CLIP2: variants seen among roughly 807,000 people sequenced by gnomAD.
CLIP2 encodes CAP-Gly domain-containing linker protein 2.
In CLIP2, 41 loss-of-function variants were observed where a neutral mutation model predicts 111.7. The observed-to-expected ratio is 0.37, with a 90% confidence interval of 0.29 to 0.48. The LOEUF is 0.48. Ranked by LOEUF, CLIP2 falls within the 20% of genes least tolerant of loss-of-function variation. The probability of loss-of-function intolerance (pLI) is 0.99; values close to 1 mark genes in which losing one functional copy is unlikely to be tolerated. For missense variants in CLIP2, 1,160 were observed against 1,422.1 expected (o/e 0.82, Z 2.96); for synonymous variants, 660 against 644.2 (o/e 1.02, Z -0.37).
chr7:74,396,965 A>C, intron 13 of CLIP2, 109 bp from the exon 14 acceptor site: 1 of 1,382,278 alleles, frequency 7.2e-7, no homozygotes, highest in Non-Finnish European at 9.9e-7. Flanking sequence ...CTAGTAGCCC[A>C]TGTCCCCCAC....
chr7:74,357,202 G>A (rs1790171633), intron 5 of CLIP2, 78 bp from the exon 6 acceptor site: 1 of 1,337,650 alleles, frequency 7.5e-7, no homozygotes, highest in Non-Finnish European at 1.1e-6. Context: ...TGTTGCTGTA[G>A]ATTAGGCTGG....
intron 3 of CLIP2, among the ~76,000 whole-genome samples, chr7:74,344,500 A>G (rs1294284362): frequency 6.6e-6 from 1 of 151,848 alleles, no homozygotes; most frequent in African/African-American, 2.4e-5. Context: ...TCCTGCCTCA[A>G]CTTCTCGAGA....
intron 6 of CLIP2, among the ~76,000 whole-genome samples, chr7:74,359,603 C>T (rs1554309351): frequency 6.6e-6 from 1 of 152,176 alleles, no homozygotes; most frequent in African/African-American, 2.4e-5. Context: ...GATCCGCCCG[C>T]CTTGGCCTCC....
chr7:74,302,465 T>A (rs1788367084), intron 1 of CLIP2, among the ~76,000 whole-genome samples: 1 of 152,116 alleles, frequency 6.6e-6, no homozygotes, highest in African/African-American at 2.4e-5. Flanking sequence ...TCCACACACC[T>A]CAGCCTCCCA....
intron 3 of CLIP2, among the ~76,000 whole-genome samples, chr7:74,351,648 CA>C (rs1275157472): frequency 2.5e-4 from 38 of 151,872 alleles, no homozygotes; most frequent in African/African-American, 8.7e-4. Context: ...CCAGCCTGGC[CA>C]ACATGGCGAA....
At chr7:74,393,537 T>C (rs1469716384) in intron 13 of CLIP2, among the ~76,000 whole-genome samples, 1 of 151,474 alleles carries the variant, frequency 6.6e-6, no homozygotes, top group African/African-American at 2.4e-5. Flanking sequence ...GGTTTCTCCA[T>C]GTTGGTCATG....
chr7:74,356,481 C>A lies in CLIP2; in HGVS notation c.875C>A (p.Ser292Tyr), dbSNP rs1554308496. ...AAAGTGATCCGTATCGGCTTCCCAT[C>A]TACCAGCCCAGCCAAGGCCAAGAAG... The part of the protein sequence containing the change: ...IHKVIRIGFP[S>Y]TSPAKAKKTK... Residue 292 changes from serine to tyrosine, a missense_variant, in exon 5 of 17, where the codon TCT becomes TAT. This residue lies in a region of CLIP2 where 110 missense variants were observed against 185.2 expected (regional missense o/e 0.59). Coordinates refer to ENST00000223398, the MANE Select transcript of CLIP2 (RefSeq NM_003388.5). 6.2e-7 allele frequency: 1 copy of A among 1,614,206 alleles called. No individual in the cohort carries two copies. Among genetic ancestry groups the A allele is most frequent in the Non-Finnish European group, 8.5e-7 (1 of 1,180,042 alleles).
chr7:74,336,453 G>A (rs1789461823), intron 2 of CLIP2, among the ~76,000 whole-genome samples: 1 of 151,992 alleles, frequency 6.6e-6, no homozygotes, highest in African/African-American at 2.4e-5. Flanking sequence ...CATGGTAGAA[G>A]GCAAAAGGCA....
At position 74,403,960 on chromosome 7, in the gene CLIP2, GT is replaced by G; in HGVS notation, c.*115del. On this transcript the variant is annotated 3_prime_UTR_variant, in exon 17 of 17. Coordinates refer to ENST00000223398, the MANE Select transcript of CLIP2 (RefSeq NM_003388.5). ...ACTGTCACTTTGGAGACAAAACAGT[GT>G]TTGTAACAATAACGTACTCACCGCC... 1 of 1,209,402 alleles carries G rather than the reference GT, an allele frequency of 8.3e-7. No individual in the cohort carries two copies. Among genetic ancestry groups the G allele is most frequent in the Non-Finnish European group, 1.2e-6 (1 of 821,586 alleles). 74.9% of individuals were successfully genotyped at this position (1,209,402 alleles called of 1,614,324 possible). A position where few individuals can be genotyped will look rare whatever the true frequency, so the allele number is the denominator to read the frequency against.
At chr7:74,310,574 C>T (rs1233253614) in intron 1 of CLIP2, among the ~76,000 whole-genome samples, 3 of 152,102 alleles carry the variant, frequency 2.0e-5, no homozygotes, top group African/African-American at 4.8e-5. Flanking sequence ...TTTGTTTGTA[C>T]AGGCACTGGT....
intron 14 of CLIP2, among the ~76,000 whole-genome samples, chr7:74,397,799 T>C (rs1182434909): frequency 1.3e-5 from 2 of 151,178 alleles, no homozygotes; most frequent in African/African-American, 4.9e-5. Context: ...CCCAAGTAGC[T>C]GGGACTACAG....
At chr7:74,347,939 G>C (rs904147385) in intron 3 of CLIP2, among the ~76,000 whole-genome samples, 2 of 152,100 alleles carry the variant, frequency 1.3e-5, no homozygotes, top group African/African-American at 4.8e-5. Context: ...CAGCACTTTG[G>C]GAGGCCAAGA....
intron 13 of CLIP2, among the ~76,000 whole-genome samples, chr7:74,392,071 G>T (rs1359046172): frequency 6.6e-6 from 1 of 152,090 alleles, no homozygotes; most frequent in Non-Finnish European, 1.5e-5. Flanking sequence ...GCTGGGCGTG[G>T]CTGGGCGCAG....
At chr7:74,382,461 T>C (rs1465849694) in intron 11 of CLIP2, among the ~76,000 whole-genome samples, 8 of 150,694 alleles carry the variant, frequency 5.3e-5, no homozygotes, top group African/African-American at 1.9e-4. Context: ...CATGCCACCA[T>C]GCCCTGCTAA....
In CLIP2 at chr7:74,402,308, C is replaced by T. The variant is rs183261390; in HGVS notation, c.3129+741C>T. On this transcript the variant is annotated intron_variant, in intron 16 of 16. Transcript: ENST00000223398. ...TCGCGCCACTGGACTCCAGCCTGGG[C>T]GACAGAGCGAGACTCCATCTCAAAA... Among the ~76,000 whole-genome samples, 798 of 136,702 alleles carry T rather than the reference C, an allele frequency of 5.8e-3. 9 individuals are homozygous for T. Among genetic ancestry groups the T allele is most frequent in the African/African-American group, 0.021 (747 of 36,056 alleles). 89.7% of individuals were successfully genotyped at this position (136,702 alleles called of 152,430 possible). A position where few individuals can be genotyped will look rare whatever the true frequency, so the allele number is the denominator to read the frequency against.
chr7:74,317,751 C>T, intron 2 of CLIP2, 84 bp downstream of exon 2: 1 of 1,330,412 alleles, frequency 7.5e-7, no homozygotes, highest in Non-Finnish European at 9.7e-7. Context: ...GGAGCACAGG[C>T]CACTCTGTGA....
intron 5 of CLIP2, 31 bp downstream of exon 5, chr7:74,356,654 T>C (rs1267165267): frequency 4.4e-6 from 7 of 1,583,236 alleles, no homozygotes; most frequent in South Asian, 2.3e-5. Flanking sequence ...GGGGATTCTC[T>C]GGTGTGCGTT....
Position 74,397,191 on chromosome 7 carries a change from C to A in CLIP2, c.2838C>A (p.Leu946=). The change falls in exon 14 of 17, where the codon CTC becomes CTA. Residue 946 remains leucine, a synonymous_variant. Coordinates refer to ENST00000223398, the MANE Select transcript of CLIP2 (RefSeq NM_003388.5). ...KAEWRIKEQK[L]KDDIRGLREK... Reference sequence around the variant, plus strand: ...AGTGGCGGATCAAGGAGCAGAAACTCAAGGATGACATCCGGGGCCTGCGTG... The same window carrying A: ...AGTGGCGGATCAAGGAGCAGAAACTAAAGGATGACATCCGGGGCCTGCGTG... 1 of 1,613,392 alleles carries A rather than the reference C, an allele frequency of 6.2e-7. No individual in the cohort carries two copies. The highest frequency in any genetic ancestry group is 1.1e-5 in the South Asian group (1 of 91,036).
chr7:74,362,531 T>TTC (rs1562710750), intron 7 of CLIP2, among the ~76,000 whole-genome samples: 2 of 146,330 alleles, frequency 1.4e-5, no homozygotes, highest in African/African-American at 2.5e-5. Context: ...TTCTTTTCTT[T>TTC]TTTTTTTTTT....
Sources: allele counts gnomAD v4.1 joint callset (sites outside exome capture counted in the v4.1 genomes callset), GRCh38; gene constraint gnomAD v4.1.1; regional missense constraint gnomAD v4.1.1; transcripts MANE v1.5; gene names NCBI Gene and HGNC (gene_info 2026-07-23, HGNC 2026-07-21).